Variants in COIL observed in about 807,000 individuals in gnomAD.
COIL encodes coilin, also known as coilin p80.
COIL carries 28 observed loss-of-function variants against 51.6 expected under a neutral mutation model. That is an observed-to-expected ratio of 0.54 (90% CI 0.40 to 0.74). The LOEUF (loss-of-function observed/expected upper bound fraction) is 0.74. COIL is among the 30% of genes least tolerant of loss of function. COIL has a pLI of 0.00. For synonymous variants in COIL, 233 were observed against 255.8 expected (o/e 0.91, Z 0.85); for missense variants, 667 against 685.9 (o/e 0.97, Z 0.31).
intron 1 of COIL, among the ~76,000 whole-genome samples, chr17:56,954,426 T>C (rs1272267543): frequency 1.3e-5 from 2 of 152,086 alleles, no homozygotes; most frequent in Non-Finnish European, 2.9e-5. Context: ...CTGGGCATGG[T>C]GGCATGCGCC....
In COIL at chr17:56,939,030, C is replaced by G. The variant is rs961077656; in HGVS notation, c.*41G>C. On this transcript the variant is annotated 3_prime_UTR_variant, in exon 7 of 7. Coordinates refer to ENST00000240316, the MANE Select transcript of COIL (RefSeq NM_004645.3). ...AAAGTTTGGGTTATAGTCACTTTCA[C>G]AAACAAGACATTCATAAACTATAAG... 6 of 1,150,088 alleles carry G rather than the reference C, an allele frequency of 5.2e-6. No homozygotes were observed. Among genetic ancestry groups the G allele is most frequent in the Non-Finnish European group, 7.6e-6 (6 of 789,260 alleles). The allele number at this position is 1,150,088 out of a possible 1,614,324, so 71.2% of individuals were successfully genotyped here.
chr17:56,948,363 T>C (rs1468397195), intron 4 of COIL, among the ~76,000 whole-genome samples: 2 of 151,788 alleles, frequency 1.3e-5, no homozygotes, highest in African/African-American at 4.8e-5. Flanking sequence ...ATGGTCTCAA[T>C]CTCCTGATCT....
At chr17:56,947,393 T>A (rs1910270786) in intron 4 of COIL, among the ~76,000 whole-genome samples, 1 of 152,144 alleles carries the variant, frequency 6.6e-6, no homozygotes, top group Non-Finnish European at 1.5e-5. Context: ...GAAAGCAATT[T>A]CAAAAATCTT....
intron 4 of COIL, among the ~76,000 whole-genome samples, chr17:56,947,248 A>G (rs1253424811): frequency 6.6e-6 from 1 of 152,130 alleles, no homozygotes; most frequent in Admixed American, 6.5e-5. Flanking sequence ...GGGAGACTAC[A>G]TTTTTTAGTA....
chr17:56,938,992 TTA>T lies in COIL; in HGVS notation c.*77_*78del. The T allele has an allele frequency of 6.5e-6, 5 of 775,168 alleles. No homozygotes were observed. Among genetic ancestry groups the T allele is most frequent in the South Asian group, 1.8e-5 (1 of 56,110 alleles). The allele number at this position is 775,168 out of a possible 1,614,324, so 48.0% of individuals were successfully genotyped here. ...AATCCATACAACTTCCAAATCCTCT[TTA>T]AAAAAAAAAAAAAGTTTGGGTTATA... is the stretch of plus-strand genomic sequence containing the variant. On this transcript the variant is annotated 3_prime_UTR_variant, in exon 7 of 7. Transcript: ENST00000240316.
Position 56,960,964 on chromosome 17 carries a change from G to C in COIL, c.56C>G (p.Ala19Gly), listed in dbSNP as rs1207895383. The C allele has an allele frequency of 6.2e-7, 1 of 1,614,064 alleles. No individual in the cohort carries two copies. The highest frequency in any genetic ancestry group is 8.5e-7 in the Non-Finnish European group (1 of 1,180,034). ...LRLQFDYPPP[A>G]TPHCTAFWLL... The stretch of plus-strand genomic sequence containing the variant: ...CCAGAAGGCCGTACAGTGCGGGGTA[G>C]CTGGCGGCGGGTAATCAAATTGAAG... The change falls in exon 1 of 7, where the codon GCT becomes GGT. Residue 19 changes from alanine (A) to glycine (G), a missense_variant. Transcript: ENST00000240316.
Position 56,950,847 on chromosome 17 carries a change from T to A in COIL, c.395A>T (p.His132Leu). Residue 132 changes from histidine to leucine, a missense_variant, in exon 2 of 7, where the codon CAT (histidine) becomes CTT (leucine). By Grantham distance (99) the His-to-Leu change is moderately conservative. Transcript: ENST00000240316. Reference protein sequence around the residue: ...TEPDCKYSKKHWKSRENNNNN... With the variant: ...TEPDCKYSKKLWKSRENNNNN... ...GTTATTGTTCTCTCGACTCTTCCAATGCTTCTTTGAATATTTGCAATCTGG... is the reference window on the plus strand; with the variant it reads ...GTTATTGTTCTCTCGACTCTTCCAAAGCTTCTTTGAATATTTGCAATCTGG... The A allele has an allele frequency of 6.2e-7, 1 of 1,614,120 alleles. No individual in the cohort carries two copies. Among genetic ancestry groups the A allele is most frequent in the Non-Finnish European group, 8.5e-7 (1 of 1,180,038 alleles).
At chr17:56,939,747 T>A (rs1236709936) in intron 6 of COIL, among the ~76,000 whole-genome samples, 2 of 151,980 alleles carry the variant, frequency 1.3e-5, no homozygotes, top group Non-Finnish European at 1.5e-5. Context: ...GCTGGGAAAA[T>A]AAATAAATAA....
Position 56,950,066 on chromosome 17 carries a change from T to C in COIL, c.1176A>G (p.Gly392=), listed in dbSNP as rs1405074247. ...SPSVSLPASL[G]RGWGREENLF... ...GGTTCTCTTCTCTACCCCATCCTCT[T>C]CCTAAACTAGCAGGGAGAGACACAC... Residue 392 remains glycine (G), a synonymous_variant, in exon 2 of 7, where the codon GGA becomes GGG. Coordinates refer to ENST00000240316, the MANE Select transcript of COIL (RefSeq NM_004645.3). The C allele has an allele frequency of 6.2e-7, 1 of 1,613,940 alleles. No homozygotes were observed. Among genetic ancestry groups the C allele is most frequent in the Non-Finnish European group, 8.5e-7 (1 of 1,179,970 alleles).
At chr17:56,946,555 CTG>C (rs1437492010) in intron 4 of COIL, 44 bp from the exon 5 acceptor site, 3 of 1,267,004 alleles carry the variant, frequency 2.4e-6, no homozygotes, top group Admixed American at 3.6e-5. Context: ...ATGTAAAACA[CTG>C]TGAATATACT....
chr17:56,956,614 T>C (rs552766145), intron 1 of COIL, among the ~76,000 whole-genome samples: 1 of 151,982 alleles, frequency 6.6e-6, no homozygotes, highest in East Asian at 1.9e-4. Flanking sequence ...TTTTTTGAGG[T>C]AGGGTCTCAC....
intron 6 of COIL, 144 bp downstream of exon 6, chr17:56,941,891 C>A (rs1910155483): frequency 1.5e-6 from 1 of 651,814 alleles, no homozygotes; most frequent in Non-Finnish European, 2.7e-6. Flanking sequence ...CAAGATGGCG[C>A]CCTGATTTGG....
chr17:56,949,676 T>C lies in COIL; in HGVS notation c.1440+5A>G, dbSNP rs369282421. 1.2e-6 allele frequency: 2 copies of C among 1,611,374 alleles called. No homozygotes were observed. Among genetic ancestry groups the C allele is most frequent in the African/African-American group, 2.7e-5 (2 of 75,004 alleles). ...TTTTGCTGTGACTGTTCTTTTGAAA[T>C]ATACCTTAAATGCAATCTTTTCTCC... On this transcript the variant is annotated splice_donor_5th_base_variant and intron_variant, in intron 3 of 6. Coordinates refer to ENST00000240316, the MANE Select transcript of COIL (RefSeq NM_004645.3).
chr17:56,952,376 G>T (rs1421321388), intron 1 of COIL: 7 of 431,910 alleles, frequency 1.6e-5, no homozygotes, highest in Non-Finnish European at 3.1e-5. Context: ...AAACACATAG[G>T]AAGAAAAATC....
Position 56,949,411 on chromosome 17 carries a change from G to T in COIL, c.1464C>A (p.Tyr488Ter). Residue 488 changes from tyrosine (Y) to a stop codon, truncating the protein, a stop_gained, in exon 4 of 7, where the codon TAC (tyrosine) becomes TAA (stop). Coordinates refer to ENST00000240316, the MANE Select transcript of COIL (RefSeq NM_004645.3). LOFTEE classifies it high-confidence loss of function. ...AFKLLELTSSYSPDVSDYKEG... is the reference protein window; with the variant it reads ...AFKLLELTSS ...CCTTGTAGTCAGAGACATCAGGAGA[G>T]TAACTGGATGTTAGCTCCAAAAGCT... 1 of 1,601,148 alleles carries T rather than the reference G, an allele frequency of 6.2e-7. No homozygotes were observed. The highest frequency in any genetic ancestry group is 1.4e-5 in the African/African-American group (1 of 73,878).
Position 56,950,331 on chromosome 17 carries a change from G to C in COIL, c.911C>G (p.Pro304Arg). Reference protein sequence around the residue: ...LAIKLGFSLTPSKGKTSGTTS... With the variant: ...LAIKLGFSLTRSKGKTSGTTS... ...TGTTCCAGAGGTCTTGCCCTTGCTG[G>C]GGGTAAGGCTAAAGCCAAGTTTTAT... Residue 304 changes from proline (P) to arginine (R), a missense_variant, in exon 2 of 7, where the codon CCC (proline) becomes CGC (arginine). Coordinates refer to ENST00000240316, the MANE Select transcript of COIL (RefSeq NM_004645.3). 2 of 1,614,198 alleles carry C rather than the reference G, an allele frequency of 1.2e-6. No individual in the cohort carries two copies. The highest frequency in any genetic ancestry group is 1.7e-6 in the Non-Finnish European group (2 of 1,180,038).
At chr17:56,953,829 T>G (rs1910430921) in intron 1 of COIL, among the ~76,000 whole-genome samples, 1 of 151,716 alleles carries the variant, frequency 6.6e-6, no homozygotes, top group Non-Finnish European at 1.5e-5. Flanking sequence ...ATATCAGGAG[T>G]AGGAGAAAGA....
Position 56,961,003 on chromosome 17 carries a change from G to A in COIL, c.17C>T (p.Thr6Met), listed in dbSNP as rs139278671. 182 of 1,613,630 alleles carry A rather than the reference G, an allele frequency of 1.1e-4. 1 individual carries two copies. The South Asian group carries it at 1.4e-3, about 12-fold the overall frequency. Residue 6 changes from threonine (T) to methionine (M), a missense_variant, in exon 1 of 7, where the codon ACG becomes ATG. By Grantham distance (81) the Thr-to-Met change is moderately conservative. Coordinates refer to ENST00000240316, the MANE Select transcript of COIL (RefSeq NM_004645.3). ...ATCAAATTGAAGCCGTAGCCTAACC[G>A]TCTCGGAAGCTGCCATCTTGCTTGG... MAASE[T>M]VRLRLQFDYP... is the part of the protein sequence containing the mutation.
chr17:56,941,619 C>G (rs1910150141), intron 6 of COIL, among the ~76,000 whole-genome samples: 1 of 152,090 alleles, frequency 6.6e-6, no homozygotes, highest in African/African-American at 2.4e-5. Flanking sequence ...GTGGTGACAG[C>G]AAGGGGACAT....
Sources: allele counts gnomAD v4.1 joint callset (sites outside exome capture counted in the v4.1 genomes callset), GRCh38; gene constraint gnomAD v4.1.1; transcripts MANE v1.5; gene names NCBI Gene and HGNC (gene_info 2026-07-23, HGNC 2026-07-21).